LIMCH1: variants seen among roughly 807,000 people sequenced by gnomAD.
LIMCH1 encodes the protein LIM and calponin homology domains-containing protein 1.
LIMCH1 carries 113 observed loss-of-function variants against 176.5 expected under a neutral mutation model. The ratio of observed to expected loss-of-function variants is 0.64; its 90% CI spans 0.55 to 0.75. The LOEUF (loss-of-function observed/expected upper bound fraction) is 0.75. Among genes scored for constraint, LIMCH1 ranks in the 30% least tolerant of loss-of-function variants. The probability of loss-of-function intolerance (pLI) is 0.00; values close to 1 mark genes in which losing one functional copy is unlikely to be tolerated. For missense variants in LIMCH1, 1,674 were observed against 1,814.9 expected, an observed-to-expected ratio of 0.92 and a Z score of 1.41; for synonymous variants, 619 against 645.9, an observed-to-expected ratio of 0.96 and a Z score of 0.63.
At chr4:41,671,411 C>A in intron 21 of LIMCH1, 143 bp from the exon 22 acceptor site, 1 of 487,400 alleles carries the variant, frequency 2.1e-6, no homozygotes, top group South Asian at 2.8e-5. Flanking sequence ...CACACACACA[C>A]ACACACACAC....
chr4:41,651,089 C>T (rs759581344), intron 18 of LIMCH1, among the ~76,000 whole-genome samples: 6 of 151,990 alleles, frequency 3.9e-5, no homozygotes, highest in Non-Finnish European at 7.3e-5. Context: ...TCACTGCAAC[C>T]TCTGCCTCCA....
At chr4:41,575,339 G>A (rs912592071) in intron 1 of LIMCH1, among the ~76,000 whole-genome samples, 6 of 152,210 alleles carry the variant, frequency 3.9e-5, no homozygotes, top group African/African-American at 1.4e-4. Context: ...CAATCATTCA[G>A]TAAATATTTA....
intron 1 of LIMCH1, among the ~76,000 whole-genome samples, chr4:41,408,692 A>G (rs571087799): frequency 3.3e-4 from 50 of 152,244 alleles, no homozygotes; most frequent in Non-Finnish European, 5.9e-4. Context: ...TATGGAATCA[A>G]AAAGGGTAGT....
rs146838350 is a variant in LIMCH1, at chr4:41,605,981, G to A, written c.-15G>A. On this transcript the variant is annotated 5_prime_UTR_variant, in exon 4 of 32. Transcript: ENST00000503057. Reference sequence around the variant, plus strand: ...GACACTAAACCTGAAGGAGTTTGAAGGATTGTTGGCTCAGATGCGAAAGGT... The same window carrying A: ...GACACTAAACCTGAAGGAGTTTGAAAGATTGTTGGCTCAGATGCGAAAGGT... 6 of 1,613,346 alleles carry A rather than the reference G, an allele frequency of 3.7e-6. No individual in the cohort carries two copies. In the African/African-American group the frequency reaches 8.0e-5, roughly 22 times the overall value.
intron 1 of LIMCH1, among the ~76,000 whole-genome samples, chr4:41,594,635 C>T (rs2088363676): frequency 6.6e-6 from 1 of 152,168 alleles, no homozygotes; most frequent in Non-Finnish European, 1.5e-5. Flanking sequence ...GGCCTGGCTC[C>T]CCTCCAGCAT....
chr4:41,477,322 CT>C (rs1346960391), intron 1 of LIMCH1, among the ~76,000 whole-genome samples: 2 of 152,076 alleles, frequency 1.3e-5, no homozygotes, highest in East Asian at 3.9e-4. Flanking sequence ...CAGACAGTAG[CT>C]TTATGTGAAT....
rs1251896798 is a variant in LIMCH1, at chr4:41,363,086, G to A, written c.96+2150G>A. Among the ~76,000 whole-genome samples the A allele has an allele frequency of 2.6e-5, 4 of 152,178 alleles. No homozygotes were observed. The East Asian group carries it at 7.7e-4, about 29-fold the overall frequency. On this transcript the variant is annotated intron_variant, in intron 1 of 26. Coordinates refer to the LIMCH1 transcript ENST00000313860. Reference sequence around the variant, plus strand: ...TTCCCCCTCCCAGGCTATATAAAAAGGTAATTGCTCCAGGGGAAAGATAGA... The same window carrying A: ...TTCCCCCTCCCAGGCTATATAAAAAAGTAATTGCTCCAGGGGAAAGATAGA...
intron 1 of LIMCH1, among the ~76,000 whole-genome samples, chr4:41,440,245 T>C (rs2154140977): frequency 6.6e-6 from 1 of 152,356 alleles, no homozygotes; most frequent in South Asian, 2.1e-4. Context: ...GTCTTTGTAG[T>C]AATTTTATTT....
At chr4:41,539,008 C>T (rs996926462) in intron 1 of LIMCH1, among the ~76,000 whole-genome samples, 3 of 152,032 alleles carry the variant, frequency 2.0e-5, no homozygotes, top group South Asian at 2.1e-4. Context: ...CATAAAATCC[C>T]GTCAGACCCG....
In LIMCH1 at chr4:41,414,538, A is replaced by G. The variant is rs561403100; in HGVS notation, c.96+53602A>G. ...GACTTGGCCGCAGCTAAGACTGTAAATCCGTATGTCAGATACCGGGCGATT... is the reference window on the plus strand; with the variant it reads ...GACTTGGCCGCAGCTAAGACTGTAAGTCCGTATGTCAGATACCGGGCGATT... On this transcript the variant is annotated intron_variant, in intron 1 of 26. Coordinates refer to the LIMCH1 transcript ENST00000313860. Among the ~76,000 whole-genome samples the G allele has an allele frequency of 3.9e-5, 6 of 152,296 alleles. No homozygotes were observed. The East Asian group carries it at 9.7e-4, about 25-fold the overall frequency.
At chr4:41,387,223 C>T (rs1394698169) in intron 1 of LIMCH1, among the ~76,000 whole-genome samples, 2 of 152,156 alleles carry the variant, frequency 1.3e-5, no homozygotes, top group African/African-American at 2.4e-5. Context: ...TACATGAGAA[C>T]ATACATTGTT....
intron 1 of LIMCH1, among the ~76,000 whole-genome samples, chr4:41,568,401 C>T (rs2083061154): frequency 6.6e-6 from 1 of 152,188 alleles, no homozygotes. Flanking sequence ...ACCGGAGTTA[C>T]AACACAAGAA....
At chr4:41,397,116 G>T (rs1186939313) in intron 1 of LIMCH1, among the ~76,000 whole-genome samples, 1 of 152,114 alleles carries the variant, frequency 6.6e-6, no homozygotes, top group Admixed American at 6.5e-5. Context: ...CATTGGTTTG[G>T]TCATGGCTAA....
At chr4:41,594,963 A>G (rs550080332) in intron 1 of LIMCH1, among the ~76,000 whole-genome samples, 1 of 152,354 alleles carries the variant, frequency 6.6e-6, no homozygotes, top group African/African-American at 2.4e-5. Context: ...TCCTCTGGGC[A>G]GAAAGCACTC....
chr4:41,441,006 T>C (rs1428674394), intron 1 of LIMCH1, among the ~76,000 whole-genome samples: 1 of 152,204 alleles, frequency 6.6e-6, no homozygotes, highest in Non-Finnish European at 1.5e-5. Flanking sequence ...TTTTCCTTCA[T>C]GTTTGATTTT....
At chr4:41,431,974 A>G (rs6447070) in intron 1 of LIMCH1, among the ~76,000 whole-genome samples, 34,290 of 152,114 alleles carry the variant, frequency 0.23, 4,836 homozygotes, top group African/African-American at 0.38. Context: ...TGAAATCATA[A>G]TTAATCTTCT....
chr4:41,361,027 C>T lies in LIMCH1; in HGVS notation c.96+91C>T, dbSNP rs369040116. 10 of 770,800 alleles carry T rather than the reference C, an allele frequency of 1.3e-5. No individual in the cohort carries two copies. The East Asian group carries it at 1.7e-4, about 13-fold the overall frequency. 47.7% of individuals were successfully genotyped at this position (770,800 alleles called of 1,614,324 possible). Reference sequence around the variant, plus strand: ...CGACCGCAGGTCCAGCCTTGCCTCCCCCCAACCGCCCCCACTTTCTTTTGC... The same window carrying T: ...CGACCGCAGGTCCAGCCTTGCCTCCTCCCAACCGCCCCCACTTTCTTTTGC... On this transcript the variant is annotated intron_variant, in intron 1 of 26. Transcript: ENST00000313860.
At chr4:41,401,941 G>A (rs950082322) in intron 1 of LIMCH1, among the ~76,000 whole-genome samples, 73 of 152,270 alleles carry the variant, frequency 4.8e-4, no homozygotes, top group African/African-American at 6.5e-4. Context: ...GGCTGAGACA[G>A]TGGGGTTTTC....
chr4:41,397,056 C>G (rs75093686), intron 1 of LIMCH1, among the ~76,000 whole-genome samples: 2,354 of 152,310 alleles, frequency 0.015, 55 homozygotes, highest in African/African-American at 0.053. Flanking sequence ...CTAAGCCACT[C>G]ATGGCATTCC....
Sources: allele counts gnomAD v4.1 joint callset (sites outside exome capture counted in the v4.1 genomes callset), GRCh38; gene constraint gnomAD v4.1.1; transcripts MANE v1.5; gene names NCBI Gene and HGNC (gene_info 2026-07-23, HGNC 2026-07-21).